PLEKHA8: variants seen among roughly 807,000 people sequenced by gnomAD.
PLEKHA8 encodes pleckstrin homology domain containing A8.
Under a neutral mutation model 68.2 loss-of-function variants are expected in PLEKHA8, and 36 were observed. That is an observed-to-expected ratio of 0.53 (90% CI 0.40 to 0.70). PLEKHA8 has a LOEUF of 0.70. Among genes scored for constraint, PLEKHA8 ranks in the 30% least tolerant of loss-of-function variants. The pLI is 0.00. For missense variants in PLEKHA8, 505 were observed against 615.4 expected (o/e 0.82, Z 1.90); for synonymous variants, 211 against 216.1 (o/e 0.98, Z 0.20).
At chr7:30,093,196 A>G (rs1157169360), downstream of PLEKHA8, among the ~76,000 whole-genome samples, 1 of 152,234 alleles carries the variant, frequency 6.6e-6, no homozygotes. Flanking sequence ...CTGCTGCAGC[A>G]TCAGGACACT....
At chr7:30,074,917 G>A (rs549525667) in intron 13 of PLEKHA8, 107 of 152,280 alleles carry the variant, frequency 7.0e-4, no homozygotes, top group African/African-American at 2.5e-3. Context: ...TTATAAAATA[G>A]CAGGAGTAGA....
At chr7:30,109,532 C>G (rs377231118) in intron 13 of PLEKHA8, among the ~76,000 whole-genome samples, 48 of 124,544 alleles carry the variant, frequency 3.9e-4, no homozygotes, top group African/African-American at 1.3e-3. Flanking sequence ...AGGTTGCAGT[C>G]AGCCAAGATC....
At chr7:30,044,128 T>C (rs1791763546) in intron 1 of PLEKHA8, among the ~76,000 whole-genome samples, 1 of 149,790 alleles carries the variant, frequency 6.7e-6, no homozygotes, top group Admixed American at 6.7e-5. Flanking sequence ...TGCCTCAGCC[T>C]CCTGAATAGC....
At chr7:30,099,934 TG>T (rs1795787503) in intron 13 of PLEKHA8, among the ~76,000 whole-genome samples, 1 of 152,242 alleles carries the variant, frequency 6.6e-6, no homozygotes, top group African/African-American at 2.4e-5. Flanking sequence ...TTCTGGAGAC[TG>T]GAAGTCCAAA....
Position 30,055,240 on chromosome 7 carries a change from A to T in PLEKHA8, c.954-17A>T. The T allele has an allele frequency of 1.9e-6, 3 of 1,609,774 alleles. No individual in the cohort carries two copies. Among genetic ancestry groups the T allele is most frequent in the Non-Finnish European group, 2.6e-6 (3 of 1,176,034 alleles). The stretch of plus-strand genomic sequence containing the variant: ...GTATTTTCAATCTTTTCTCCTCCAT[A>T]TCACCAAATTATGTAGCTTTAGTGA... On this transcript the variant is annotated splice_polypyrimidine_tract_variant and intron_variant, in intron 8 of 13. Transcript: ENST00000449726.
chr7:30,084,057 C>T lies in PLEKHA8; in HGVS notation c.*5270C>T, dbSNP rs546779258. On this transcript the variant is annotated 3_prime_UTR_variant, in exon 14 of 14. Coordinates refer to ENST00000449726, the MANE Select transcript of PLEKHA8 (RefSeq NM_001197026.2). ...AGAATTTCACTAGAATGTCATTAAA[C>T]AGCCCAACTACCTCATGTGAAATTG... 2.0e-6 allele frequency: 2 copies of T among 985,416 alleles called. No individual in the cohort carries two copies. Among genetic ancestry groups the T allele is most frequent in the African/African-American group, 3.5e-5 (2 of 57,350 alleles). The allele number at this position is 985,416 out of a possible 1,614,324, so 61.0% of individuals were successfully genotyped here.
Position 30,115,953 on chromosome 7 carries a change from T to C in PLEKHA8, c.1363-13313T>C, listed in dbSNP as rs796504689. 7.5e-5 allele frequency: 11 copies of C among 147,632 alleles called. 1 individual carries two copies. In the East Asian group the frequency reaches 1.9e-3, roughly 25 times the overall value. 9.1% of individuals were successfully genotyped at this position (147,632 alleles called of 1,614,324 possible). Reference sequence around the variant, plus strand: ...ACATGTATACATGCACACATACGCATACATGCATGCATACATGTGCATGCA... The same window carrying C: ...ACATGTATACATGCACACATACGCACACATGCATGCATACATGTGCATGCA... On this transcript the variant is annotated intron_variant, in intron 13 of 13. Transcript: ENST00000396257.
At chr7:30,128,595 C>T (rs951153157) in intron 13 of PLEKHA8, among the ~76,000 whole-genome samples, 3 of 151,966 alleles carry the variant, frequency 2.0e-5, no homozygotes, top group Admixed American at 1.3e-4. Context: ...TTTCTTTCTA[C>T]TCATTTGGAA....
chr7:30,037,804 C>G (rs1261830609), intron 1 of PLEKHA8, among the ~76,000 whole-genome samples: 3 of 146,962 alleles, frequency 2.0e-5, no homozygotes, highest in African/African-American at 7.6e-5. Context: ...TTCTTTTAGT[C>G]TTGAACTTTA....
chr7:30,050,522 T>C, intron 6 of PLEKHA8, 48 bp downstream of exon 6: 1 of 1,494,276 alleles, frequency 6.7e-7, no homozygotes, highest in Non-Finnish European at 8.9e-7. Context: ...AAAATAAGGA[T>C]ATTGTTATTC....
At position 30,129,405 on chromosome 7, in the gene PLEKHA8, G is replaced by A. The variant is rs530838998; in HGVS notation, c.*134G>A. On this transcript the variant is annotated 3_prime_UTR_variant, in exon 14 of 14. Transcript: ENST00000396257. Reference sequence around the variant, plus strand: ...TGATGATAAAGAAGCAGCCAATTCCGTCCTGCACTGCCCACCTCCAGATCT... The same window carrying A: ...TGATGATAAAGAAGCAGCCAATTCCATCCTGCACTGCCCACCTCCAGATCT... 6.0e-4 allele frequency: 837 copies of A among 1,387,902 alleles called. 2 individuals carry two copies. The highest frequency in any genetic ancestry group is 1.7e-3 in the Admixed American group (101 of 57,912). The allele number at this position is 1,387,902 out of a possible 1,614,324, so 86.0% of individuals were successfully genotyped here. A position where few individuals can be genotyped will look rare whatever the true frequency, so the allele number is the denominator to read the frequency against.
At chr7:30,112,730 C>T (rs1181951128) in intron 13 of PLEKHA8, among the ~76,000 whole-genome samples, 2 of 151,006 alleles carry the variant, frequency 1.3e-5, no homozygotes, top group East Asian at 3.9e-4. Flanking sequence ...AAAAAAAGCC[C>T]ATCTCTATAA....
At chr7:30,089,612 G>A (rs1386041533), downstream of PLEKHA8, among the ~76,000 whole-genome samples, 1 of 152,186 alleles carries the variant, frequency 6.6e-6, no homozygotes, top group African/African-American at 2.4e-5. Flanking sequence ...TTAAACATGA[G>A]CAAATGTAAG....
At chr7:30,108,886 C>T (rs2128016004) in intron 13 of PLEKHA8, among the ~76,000 whole-genome samples, 1 of 152,290 alleles carries the variant, frequency 6.6e-6, no homozygotes, top group Non-Finnish European at 1.5e-5. Context: ...AAACAACAAG[C>T]AGTTAAATAG....
chr7:30,086,256 A>C (rs1795177128), downstream of PLEKHA8, among the ~76,000 whole-genome samples: 1 of 152,190 alleles, frequency 6.6e-6, no homozygotes, highest in Non-Finnish European at 1.5e-5. Flanking sequence ...GCTTATTCTA[A>C]GTTGTGAGCA....
intron 5 of PLEKHA8, 27 bp from the exon 6 acceptor site, chr7:30,050,407 A>T: frequency 6.4e-7 from 1 of 1,559,900 alleles, no homozygotes; most frequent in Admixed American, 2.0e-5. Flanking sequence ...TAACATGTGA[A>T]CTTTCCTTTC....
At position 30,046,300 on chromosome 7, in the gene PLEKHA8, G is replaced by A. The variant is rs767273174; in HGVS notation, c.248G>A (p.Arg83Gln). Residue 83 changes from arginine (R) to glutamine (Q), a missense_variant, in exon 3 of 14, where the codon CGG (arginine) becomes CAG (glutamine). By Grantham distance (43) the Arg-to-Gln change is conservative. Transcript: ENST00000449726. ...GCCAGAAGTGTGGCTGAAAGACAGC[G>A]GTGGCTGGTGGCCCTGGGATCAGCC... ...LKARSVAERQ[R>Q]WLVALGSAKA... 8 of 1,613,924 alleles carry A rather than the reference G, an allele frequency of 5.0e-6. No individual in the cohort carries two copies. Among genetic ancestry groups the A allele is most frequent in the East Asian group, 4.5e-5 (2 of 44,872 alleles).
At position 30,105,193 on chromosome 7, in the gene PLEKHA8, G is replaced by A. The variant is rs184998483; in HGVS notation, c.1363-24073G>A. On this transcript the variant is annotated intron_variant, in intron 13 of 13. Coordinates refer to the PLEKHA8 transcript ENST00000396257. ...TAAGAAAAACATGTTCTCAGGGGCC[G>A]AGTGTGGTGGCTCACTCCTGTAATT... Among the ~76,000 whole-genome samples the A allele has an allele frequency of 4.6e-5, 7 of 151,926 alleles. No homozygotes were observed. In the South Asian group the frequency reaches 6.2e-4, roughly 14 times the overall value.
In PLEKHA8 at chr7:30,056,310, C is replaced by CTATATATA. The variant is rs1162112994; in HGVS notation, c.1039+969_1039+970insATATATAT. Among the ~76,000 whole-genome samples the CTATATATA allele has an allele frequency of 5.7e-3, 410 of 72,142 alleles. 4 individuals are homozygous for CTATATATA. Among genetic ancestry groups the CTATATATA allele is most frequent in the East Asian group, 0.022 (39 of 1,806 alleles). The allele number at this position is 72,142 out of a possible 152,430, so 47.3% of individuals were successfully genotyped here. ...TCTCTCTCTCTCTCTCTCTCTCTCT[C>CTATATATA]TCTATATATATATATATATATAAAT... On this transcript the variant is annotated intron_variant, in intron 9 of 13. Coordinates refer to ENST00000449726, the MANE Select transcript of PLEKHA8 (RefSeq NM_001197026.2).
Sources: allele counts gnomAD v4.1 joint callset (sites outside exome capture counted in the v4.1 genomes callset), GRCh38; gene constraint gnomAD v4.1.1; transcripts MANE v1.5; gene names NCBI Gene and HGNC (gene_info 2026-07-23, HGNC 2026-07-21).